The following NUDT18 variants were observed in gnomAD, a reference collection of about 807,000 sequenced individuals.
NUDT18 encodes the protein 8-oxo-dGDP phosphatase NUDT18.
Under a neutral mutation model 27.6 loss-of-function variants are expected in NUDT18, and 26 were observed. The ratio of observed to expected loss-of-function variants is 0.94; its 90% CI spans 0.69 to 1.31. The LOEUF is 1.31. NUDT18 is among the 50% of genes most tolerant of loss of function. The pLI, the probability that NUDT18 is intolerant of heterozygous loss-of-function variation, is 0.00. For missense variants in NUDT18, 450 were observed against 433.4 expected (o/e 1.04, Z -0.34); for synonymous variants, 220 against 196.9 (o/e 1.12, Z -0.98).
chr8:22,109,558 T>C (rs1021352156), upstream of NUDT18: 26 of 491,508 alleles, frequency 5.3e-5, no homozygotes, highest in African/African-American at 5.0e-4. Flanking sequence ...GCCCTGGAAC[T>C]GGGGGGGCAC....
intron 1 of NUDT18, among the ~76,000 whole-genome samples, chr8:22,108,920 G>A (rs1826414369): frequency 6.6e-6 from 1 of 152,214 alleles, no homozygotes; most frequent in South Asian, 2.1e-4. Flanking sequence ...GAAGGAATGA[G>A]GCCTAGTCGG....
At position 22,107,455 on chromosome 8, in the gene NUDT18, G is replaced by A; in HGVS notation, c.817C>T (p.Leu273=). 6.2e-7 allele frequency: 1 copy of A among 1,613,312 alleles called. No individual in the cohort carries two copies. The highest frequency in any genetic ancestry group is 8.5e-7 in the Non-Finnish European group (1 of 1,179,870). ...GGGCTCCGAAAAGCCACGGTCACCA[G>A]CACATTCAAACAGATGCCATCACTG... The part of the protein sequence containing the change: ...DHSDGICLNV[L]VTVAFRSPGI... The change falls in exon 3 of 3, where the codon CTG becomes TTG. Residue 273 remains leucine, a synonymous_variant. Transcript: ENST00000611621.
rs200619453 is a variant in NUDT18 at position 22,107,345 on chromosome 8, G to A, written c.927C>T (p.Leu309=). Residue 309 remains leucine (L), a synonymous_variant, in exon 3 of 3, where the codon CTC becomes CTT. Transcript: ENST00000611621. ...KVMEEDLQSQ[L]LQRLQGSSVV... ...CAGAGGATCCCTGAAGCCGCTGGAG[G>A]AGCTGGCTTTGCAGGTCTTCCTCCA... 37 of 1,613,042 alleles carry A rather than the reference G, an allele frequency of 2.3e-5. No individual in the cohort carries two copies. Among genetic ancestry groups the A allele is most frequent in the Middle Eastern group, 3.3e-4 (2 of 6,060 alleles).
chr8:22,108,573 T>A (rs1826409321), intron 1 of NUDT18, among the ~76,000 whole-genome samples: 1 of 152,214 alleles, frequency 6.6e-6, no homozygotes, highest in African/African-American at 2.4e-5. Flanking sequence ...AGGGCTGAGA[T>A]TCCTGGAAGC....
At position 22,107,271 on chromosome 8, in the gene NUDT18, C is replaced by A. The variant is rs1483930052; in HGVS notation, c.*29G>T. The A allele has an allele frequency of 6.6e-7, 1 of 1,523,850 alleles. No homozygotes were observed. The highest frequency in any genetic ancestry group is 1.3e-5 in the South Asian group (1 of 79,408). The allele number at this position is 1,523,850 out of a possible 1,614,324, so 94.4% of individuals were successfully genotyped here. ...GTCCGCACTGGAGGGAGCACGGCTGCCTAGCTCCCTGTCACCTCCCCCACC... is the reference window on the plus strand; with the variant it reads ...GTCCGCACTGGAGGGAGCACGGCTGACTAGCTCCCTGTCACCTCCCCCACC... On this transcript the variant is annotated 3_prime_UTR_variant, in exon 3 of 3. Transcript: ENST00000611621.
chr8:22,107,412 G>A lies in NUDT18; in HGVS notation c.860C>T (p.Pro287Leu). ...AFRSPGIQDE[P>L]PKVRGENFSW... ...GAAGTTCTCACCCCGAACTTTTGGGGGTTCATCCTGGATCCCTGGGCTCCG... is the reference window on the plus strand; with the variant it reads ...GAAGTTCTCACCCCGAACTTTTGGGAGTTCATCCTGGATCCCTGGGCTCCG... The change falls in exon 3 of 3, where the codon CCC becomes CTC. Residue 287 changes from proline to leucine, a missense_variant. Coordinates refer to ENST00000611621, the MANE Select transcript of NUDT18 (RefSeq NM_024815.4). The A allele has an allele frequency of 6.2e-7, 1 of 1,613,420 alleles. No homozygotes were observed.
rs1563609347 is a variant in NUDT18 at position 22,107,296 on chromosome 8, CT to C, written c.*3del. On this transcript the variant is annotated 3_prime_UTR_variant, in exon 3 of 3. Transcript: ENST00000611621. ...CCTAGCTCCCTGTCACCTCCCCCAC[CT>C]CTCTATCTGTTCACTGGGACAACAG... 4 of 1,583,750 alleles carry C rather than the reference CT, an allele frequency of 2.5e-6. No individual in the cohort carries two copies. Among genetic ancestry groups the C allele is most frequent in the Middle Eastern group, 1.7e-4 (1 of 5,964 alleles).
upstream of NUDT18, chr8:22,109,622 C>T: frequency 2.0e-6 from 1 of 489,448 alleles, no homozygotes; most frequent in South Asian, 1.6e-5. Flanking sequence ...CAGTCCCGTG[C>T]GCTCGGGACG....
intron 1 of NUDT18, among the ~76,000 whole-genome samples, chr8:22,108,559 A>C (rs1054276039): frequency 5.3e-5 from 8 of 152,176 alleles, no homozygotes; most frequent in Non-Finnish European, 8.8e-5. Flanking sequence ...CTTCCATTTC[A>C]GGAAGGGCTG....
chr8:22,108,020 T>G, intron 2 of NUDT18, 113 bp downstream of exon 2: 1 of 1,351,782 alleles, frequency 7.4e-7, no homozygotes. Context: ...AATCTGCCCA[T>G]GCCAGGCTGT....
In NUDT18 at chr8:22,107,850, T is replaced by A; in HGVS notation, c.422A>T (p.Gln141Leu). The change falls in exon 3 of 3, where the codon CAG becomes CTG. Residue 141 changes from glutamine to leucine, a missense_variant. Transcript: ENST00000611621. Reference sequence around the variant, plus strand: ...GGAGGTCCGTGGGTACCAGGCAGCCTGCAGGGACTCCGCATCGGCCTCCTT... The same window carrying A: ...GGAGGTCCGTGGGTACCAGGCAGCCAGCAGGGACTCCGCATCGGCCTCCTT... ...TSKEADAESL[Q>L]AAWYPRTSLP... is the part of the protein sequence containing the mutation. 2 of 1,605,152 alleles carry A rather than the reference T, an allele frequency of 1.2e-6. No individual in the cohort carries two copies. The highest frequency in any genetic ancestry group is 1.7e-6 in the Non-Finnish European group (2 of 1,174,836).
rs753081665 is a variant in NUDT18 at position 22,107,386 on chromosome 8, A to G, written c.886T>C (p.Ser296Pro). The change falls in exon 3 of 3, where the codon TCT (serine) becomes CCT (proline). Residue 296 changes from serine to proline, a missense_variant. Coordinates refer to ENST00000611621, the MANE Select transcript of NUDT18 (RefSeq NM_024815.4). ...TCTTCCTCCATCACCTTCCACCAAG[A>G]GAAGTTCTCACCCCGAACTTTTGGG... ...EPPKVRGENF[S>P]WWKVMEEDLQ... is the part of the protein sequence containing the mutation. 2 of 1,613,438 alleles carry G rather than the reference A, an allele frequency of 1.2e-6. No homozygotes were observed. The highest frequency in any genetic ancestry group is 1.3e-5 in the African/African-American group (1 of 74,904).
chr8:22,107,600 C>T lies in NUDT18; in HGVS notation c.672G>A (p.Met224Ile). Residue 224 changes from methionine to isoleucine, a missense_variant, in exon 3 of 3, where the codon ATG (methionine) becomes ATA (isoleucine). Transcript: ENST00000611621. ...LPVTACGLDPMEQRGGMKMAV... is the reference protein window; with the variant it reads ...LPVTACGLDPIEQRGGMKMAV... ...CCATCTTCATGCCACCCCTCTGCTC[C>T]ATAGGGTCGAGGCCACAGGCAGTGA... is the stretch of plus-strand genomic sequence containing the variant. 1 of 1,613,278 alleles carries T rather than the reference C, an allele frequency of 6.2e-7. No homozygotes were observed. Among genetic ancestry groups the T allele is most frequent in the Non-Finnish European group, 8.5e-7 (1 of 1,179,862 alleles).
upstream of NUDT18, chr8:22,109,495 C>T (rs984174254): frequency 1.0e-5 from 5 of 491,048 alleles, 1 homozygote; most frequent in South Asian, 6.1e-5. Flanking sequence ...CCGCGGCCTG[C>T]CCGGATTGGC....
Position 22,109,304 on chromosome 8 carries a change from GT to G in NUDT18, c.-5del, listed in dbSNP as rs1826424565. 1 of 1,347,688 alleles carries G rather than the reference GT, an allele frequency of 7.4e-7. No homozygotes were observed. The highest frequency in any genetic ancestry group is 9.4e-7 in the Non-Finnish European group (1 of 1,058,564). The allele number at this position is 1,347,688 out of a possible 1,614,324, so 83.5% of individuals were successfully genotyped here. On this transcript the variant is annotated 5_prime_UTR_variant, in exon 1 of 3. Coordinates refer to ENST00000611621, the MANE Select transcript of NUDT18 (RefSeq NM_024815.4). ...CCGCCAGGCCCTCCGAGGCCATCGG[GT>G]CCCCCGGGGGGCGGCGGGCCGGATC... is the stretch of plus-strand genomic sequence containing the variant.
upstream of NUDT18, chr8:22,109,788 C>T: frequency 2.2e-6 from 1 of 455,256 alleles, no homozygotes; most frequent in South Asian, 1.6e-5. Context: ...CCGGGGCCGC[C>T]CCCTGGAACC....
rs890013237 is a variant in NUDT18 at position 22,109,374 on chromosome 8, G to A, written c.-74C>T. ...CGAGCCGCGGGCTAGAGTGCGCTGCGGAGCCCGCTCCCAGTCCCTGCGGCA... is the reference window on the plus strand; with the variant it reads ...CGAGCCGCGGGCTAGAGTGCGCTGCAGAGCCCGCTCCCAGTCCCTGCGGCA... On this transcript the variant is annotated 5_prime_UTR_variant, in exon 1 of 3. Coordinates refer to ENST00000611621, the MANE Select transcript of NUDT18 (RefSeq NM_024815.4). 7 of 1,312,428 alleles carry A rather than the reference G, an allele frequency of 5.3e-6. No homozygotes were observed. The highest frequency in any genetic ancestry group is 5.8e-6 in the Non-Finnish European group (6 of 1,028,076). 81.3% of individuals were successfully genotyped at this position (1,312,428 alleles called of 1,614,324 possible).
chr8:22,110,289 G>A (rs1030229051), upstream of NUDT18, among the ~76,000 whole-genome samples: 1 of 152,204 alleles, frequency 6.6e-6, no homozygotes, highest in African/African-American at 2.4e-5. Context: ...GCAGGGTGGG[G>A]GTGGTTGTGG....
In NUDT18 at chr8:22,107,584, T is replaced by C. The variant is rs745895286; in HGVS notation, c.688A>G (p.Met230Val). Residue 230 changes from methionine to valine, a missense_variant, in exon 3 of 3, where the codon ATG becomes GTG. Transcript: ENST00000611621. Reference sequence around the variant, plus strand: ...AGCAGCCGCAGGACGGCCATCTTCATGCCACCCCTCTGCTCCATAGGGTCG... The same window carrying C: ...AGCAGCCGCAGGACGGCCATCTTCACGCCACCCCTCTGCTCCATAGGGTCG... ...GLDPMEQRGG[M>V]KMAVLRLLQE... 1.9e-6 allele frequency: 3 copies of C among 1,613,172 alleles called. No homozygotes were observed. The highest frequency in any genetic ancestry group is 1.3e-5 in the African/African-American group (1 of 75,032).
Sources: gnomAD v4.1 joint callset for allele counts (sites outside exome capture counted in the v4.1 genomes callset) on GRCh38, gnomAD v4.1.1 for gene constraint, MANE v1.5 for transcripts, NCBI Gene and HGNC (gene_info 2026-07-23, HGNC 2026-07-21) for gene names.